AIG1: variants seen among roughly 807,000 people sequenced by gnomAD.
AIG1 encodes androgen induced 1, also known as androgen-induced gene 1 protein.
AIG1 carries 23 observed loss-of-function variants against 31.4 expected under a neutral mutation model. The ratio of observed to expected loss-of-function variants is 0.73; its 90% CI spans 0.53 to 1.04. The LOEUF (loss-of-function observed/expected upper bound fraction) is 1.04, where lower values mean the gene tolerates loss of function less well. Ranked by LOEUF, AIG1 falls within the 50% of genes least tolerant of loss-of-function variation. AIG1 has a pLI of 0.00. For synonymous variants in AIG1, 100 were observed against 110.5 expected, an observed-to-expected ratio of 0.90 and a Z score of 0.60; for missense variants, 274 against 295.0, an observed-to-expected ratio of 0.93 and a Z score of 0.52.
intron 3 of AIG1, chr6:143,190,506 GT>G: frequency 1.0e-6 from 1 of 985,150 alleles, no homozygotes; most frequent in South Asian, 4.7e-5. Context: ...TTTAAGTTAT[GT>G]TCAGAATTTC....
At chr6:143,174,978 T>G (rs1788003984) in intron 3 of AIG1, among the ~76,000 whole-genome samples, 1 of 152,264 alleles carries the variant, frequency 6.6e-6, no homozygotes, top group Non-Finnish European at 1.5e-5. Flanking sequence ...AGAGCTCCTT[T>G]TAGCAGTTCT....
At chr6:143,148,068 T>C (rs1429856219) in intron 2 of AIG1, among the ~76,000 whole-genome samples, 1 of 152,184 alleles carries the variant, frequency 6.6e-6, no homozygotes, top group Non-Finnish European at 1.5e-5. Flanking sequence ...TAAATGATGC[T>C]GGTAAATCAA....
rs576713687 is a variant in AIG1 at position 143,097,443 on chromosome 6, G to A, written c.141+36377G>A. On this transcript the variant is annotated intron_variant, in intron 1 of 5. Transcript: ENST00000357847. ...TACTCATTTGAAAAATCTATAATCC[G>A]GATTAAACTCAACTACTTGTCTACT... Among the ~76,000 whole-genome samples the A allele has an allele frequency of 5.3e-5, 8 of 151,976 alleles. No homozygotes were observed. The South Asian group carries it at 6.2e-4, about 12-fold the overall frequency.
chr6:143,237,044 T>G (rs1793859616), intron 3 of AIG1, among the ~76,000 whole-genome samples: 1 of 152,192 alleles, frequency 6.6e-6, no homozygotes, highest in Admixed American at 6.5e-5. Flanking sequence ...ACAATGAGTA[T>G]GCTACCGGTA....
At chr6:143,206,785 G>A (rs1342726242) in intron 3 of AIG1, among the ~76,000 whole-genome samples, 1 of 152,140 alleles carries the variant, frequency 6.6e-6, no homozygotes, top group African/African-American at 2.4e-5. Flanking sequence ...ATAATTATGA[G>A]ATCATTAAGT....
At chr6:143,124,684 G>T (rs1465737296) in intron 1 of AIG1, among the ~76,000 whole-genome samples, 1 of 152,232 alleles carries the variant, frequency 6.6e-6, no homozygotes, top group African/African-American at 2.4e-5. Context: ...CCATGTTGCT[G>T]GGGAGGTCTC....
chr6:143,109,918 TG>T (rs369062160), intron 1 of AIG1, among the ~76,000 whole-genome samples: 4 of 152,228 alleles, frequency 2.6e-5, no homozygotes, highest in African/African-American at 9.6e-5. Context: ...ATTGCATTGT[TG>T]TTTTTTGTCC....
At chr6:143,339,588 G>C (rs775418970) in intron 5 of AIG1, 51 bp from the exon 6 acceptor site, 1 of 1,590,672 alleles carries the variant, frequency 6.3e-7, no homozygotes, top group Admixed American at 1.7e-5. Flanking sequence ...TAAACAAACT[G>C]CTTGTGGTTT....
intron 3 of AIG1, among the ~76,000 whole-genome samples, chr6:143,271,466 G>A (rs1396181134): frequency 1.3e-5 from 2 of 152,160 alleles, no homozygotes; most frequent in Non-Finnish European, 1.5e-5. Flanking sequence ...ATGTCTCCAT[G>A]TCAAACATAA....
At chr6:143,084,821 GT>G (rs1778615099) in intron 1 of AIG1, among the ~76,000 whole-genome samples, 1 of 152,136 alleles carries the variant, frequency 6.6e-6, no homozygotes. Flanking sequence ...ACACAAGTTA[GT>G]AAATGTCTGC....
intron 4 of AIG1, among the ~76,000 whole-genome samples, chr6:143,295,893 C>G (rs1442228627): frequency 6.6e-6 from 1 of 152,110 alleles, no homozygotes; most frequent in Admixed American, 6.6e-5. Flanking sequence ...ATAAAGAGGG[C>G]TTCCTTGTCT....
rs1198140587 is a variant in AIG1, at chr6:143,136,987, G to A, written c.294G>A (p.Gly98=). 7.1e-7 allele frequency: 1 copy of A among 1,417,090 alleles called. No homozygotes were observed. Among genetic ancestry groups the A allele is most frequent in the Admixed American group, 2.3e-5 (1 of 43,850 alleles). 87.8% of individuals were successfully genotyped at this position (1,417,090 alleles called of 1,614,324 possible). A position where few individuals can be genotyped will look rare whatever the true frequency, so the allele number is the denominator to read the frequency against. Residue 98 remains glycine, a synonymous_variant, in exon 2 of 6, where the codon GGG becomes GGA. Coordinates refer to ENST00000357847, the MANE Select transcript of AIG1 (RefSeq NM_016108.4). ...WMLAVLAFPV[G]VFVVAVFWII... ...TAGCTGTGTTGGCCTTTCCTGTTGGGGTTGTGAGTATGATGGAGGATGCAT... is the reference window on the plus strand; with the variant it reads ...TAGCTGTGTTGGCCTTTCCTGTTGGAGTTGTGAGTATGATGGAGGATGCAT...
chr6:143,230,858 C>T (rs1181892040), intron 3 of AIG1, among the ~76,000 whole-genome samples: 2 of 152,174 alleles, frequency 1.3e-5, no homozygotes, highest in Non-Finnish European at 2.9e-5. Flanking sequence ...CAACTTGTCT[C>T]CAGTTTTACA....
chr6:143,189,119 C>T (rs1446916341), intron 3 of AIG1: 1 of 699,062 alleles, frequency 1.4e-6, no homozygotes, highest in Non-Finnish European at 1.8e-6. Context: ...TCATGGCTCA[C>T]CACACCCTTA....
intron 3 of AIG1, among the ~76,000 whole-genome samples, chr6:143,202,053 G>A (rs1404244931): frequency 2.0e-5 from 3 of 152,090 alleles, no homozygotes; most frequent in South Asian, 4.1e-4. Context: ...CCCAGTTAAT[G>A]CAAACCCACA....
intron 3 of AIG1, among the ~76,000 whole-genome samples, chr6:143,171,072 T>C (rs774731004): frequency 6.6e-6 from 1 of 151,944 alleles, no homozygotes; most frequent in Non-Finnish European, 1.5e-5. Context: ...TTTCCAAGTG[T>C]TGGGAGAGAT....
intron 3 of AIG1, among the ~76,000 whole-genome samples, chr6:143,262,892 T>C (rs1034667324): frequency 7.2e-5 from 11 of 152,166 alleles, no homozygotes; most frequent in Non-Finnish European, 1.6e-4. Flanking sequence ...GTTATTGCAA[T>C]GCTTTCTAAT....
intron 3 of AIG1, among the ~76,000 whole-genome samples, chr6:143,232,248 T>C (rs1257288477): frequency 1.3e-5 from 2 of 152,124 alleles, no homozygotes; most frequent in South Asian, 2.1e-4. Flanking sequence ...GAATTAGCAG[T>C]GTTTCCTGAG....
intron 3 of AIG1, among the ~76,000 whole-genome samples, chr6:143,252,182 C>T (rs529812413): frequency 2.0e-5 from 3 of 152,130 alleles, no homozygotes; most frequent in Non-Finnish European, 2.9e-5. Context: ...TGCAATGGCA[C>T]GATCTCAGCT....
Sources: gnomAD v4.1 joint callset for allele counts (sites outside exome capture counted in the v4.1 genomes callset) on GRCh38, gnomAD v4.1.1 for gene constraint, MANE v1.5 for transcripts, NCBI Gene and HGNC (gene_info 2026-07-23, HGNC 2026-07-21) for gene names.